ABCA13: variants seen among roughly 807,000 people sequenced by gnomAD.
ABCA13 encodes ATP-binding cassette sub-family A member 13.
In ABCA13, 476 loss-of-function variants were observed where a neutral mutation model predicts 478.7. That is an observed-to-expected ratio of 0.99 (90% CI 0.92 to 1.07). The LOEUF (loss-of-function observed/expected upper bound fraction) is 1.07. Among genes scored for constraint, ABCA13 ranks in the 50% least tolerant of loss-of-function variants. The probability of loss-of-function intolerance (pLI) is 0.00; values close to 1 mark genes in which losing one functional copy is unlikely to be tolerated. For synonymous variants in ABCA13, 2,252 were observed against 2,158.9 expected (o/e 1.04, Z -1.20); for missense variants, 6,060 against 5,910.6 (o/e 1.03, Z -0.83).
At chr7:48,574,790 A>T (rs12671073) in intron 55 of ABCA13, among the ~76,000 whole-genome samples, 20,124 of 152,076 alleles carry the variant, frequency 0.13, 1,642 homozygotes, top group African/African-American at 0.2. Flanking sequence ...CAAACAAAAC[A>T]CATGTCTCCT....
intron 55 of ABCA13, among the ~76,000 whole-genome samples, chr7:48,577,661 T>A (rs1411694760): frequency 6.6e-6 from 1 of 152,118 alleles, no homozygotes; most frequent in Non-Finnish European, 1.5e-5. Context: ...AAGAAAGAAA[T>A]GATATCAATT....
intron 17 of ABCA13, among the ~76,000 whole-genome samples, chr7:48,277,864 GA>G (rs1796504135): frequency 6.6e-6 from 1 of 152,076 alleles, no homozygotes; most frequent in African/African-American, 2.4e-5. Flanking sequence ...TAGGTTTAAA[GA>G]ACTGTAACAG....
At chr7:48,635,514 A>G (rs1425529419) in intron 59 of ABCA13, among the ~76,000 whole-genome samples, 2 of 152,144 alleles carry the variant, frequency 1.3e-5, no homozygotes, top group African/African-American at 4.8e-5. Context: ...GGACCCCAAT[A>G]TTCTCGGCAA....
intron 20 of ABCA13, among the ~76,000 whole-genome samples, chr7:48,290,939 GGAAAAAAAAAAAA>G (rs1391204280): frequency 2.5e-5 from 2 of 79,612 alleles, no homozygotes; most frequent in Admixed American, 1.5e-4. Context: ...TCACACTCAG[GGAAAAAAAAAAAA>G]AAAAAAAAAA....
intron 20 of ABCA13, among the ~76,000 whole-genome samples, chr7:48,292,928 G>A (rs560252034): frequency 6.6e-6 from 1 of 152,246 alleles, no homozygotes; most frequent in South Asian, 2.1e-4. Flanking sequence ...TGCTCCATAA[G>A]TATTTTTTGA....
At chr7:48,447,480 T>C (rs1476109554) in intron 42 of ABCA13, among the ~76,000 whole-genome samples, 1 of 152,228 alleles carries the variant, frequency 6.6e-6, no homozygotes, top group Non-Finnish European at 1.5e-5. Flanking sequence ...CTTTGTTAAC[T>C]ACTTTAACTT....
intron 35 of ABCA13, among the ~76,000 whole-genome samples, chr7:48,385,523 G>A (rs578012353): frequency 6.6e-6 from 1 of 152,156 alleles, no homozygotes; most frequent in Non-Finnish European, 1.5e-5. Flanking sequence ...GTAGTCCATG[G>A]TGTATATGTA....
intron 10 of ABCA13, chr7:48,243,145 C>T (rs1208332961): frequency 6.6e-6 from 1 of 152,242 alleles, no homozygotes; most frequent in African/African-American, 2.4e-5. Flanking sequence ...CAATGTCGCA[C>T]GTTGTTGTGA....
At chr7:48,294,278 A>G (rs1371106765) in intron 20 of ABCA13, among the ~76,000 whole-genome samples, 1 of 152,106 alleles carries the variant, frequency 6.6e-6, no homozygotes, top group Non-Finnish European at 1.5e-5. Context: ...ATGTAATACA[A>G]TATTGGCAAC....
chr7:48,239,154 T>C, intron 8 of ABCA13, 87 bp from the exon 9 acceptor site: 2 of 1,404,110 alleles, frequency 1.4e-6, no homozygotes, highest in African/African-American at 1.4e-5. Context: ...GAACTTTTAC[T>C]GTGGCAAGAT....
chr7:48,526,351 C>T (rs1380416581), intron 54 of ABCA13, among the ~76,000 whole-genome samples: 1 of 152,094 alleles, frequency 6.6e-6, no homozygotes, highest in East Asian at 1.9e-4. Flanking sequence ...AAAACATTGA[C>T]AGAATGATGC....
intron 41 of ABCA13, among the ~76,000 whole-genome samples, chr7:48,423,874 C>CT (rs1211883238): frequency 4.6e-5 from 7 of 151,994 alleles, no homozygotes; most frequent in African/African-American, 1.7e-4. Flanking sequence ...CTTGATTGTC[C>CT]TTTGACTTGA....
At chr7:48,206,609 A>G (rs1189946041) in intron 3 of ABCA13, among the ~76,000 whole-genome samples, 2 of 144,596 alleles carry the variant, frequency 1.4e-5, no homozygotes, top group African/African-American at 5.0e-5. Context: ...TAATTTTTAA[A>G]AAAAATTTTG....
intron 48 of ABCA13, among the ~76,000 whole-genome samples, chr7:48,506,104 AACAATTCATGCTGGT>A (rs1831182198): frequency 6.6e-6 from 1 of 152,234 alleles, no homozygotes; most frequent in Non-Finnish European, 1.5e-5. Flanking sequence ...GTAAAGCATG[AACAATTCATGCTGGT>A]TATGTTTGAC....
chr7:48,478,802 G>A (rs575838328), intron 45 of ABCA13, among the ~76,000 whole-genome samples: 5 of 152,206 alleles, frequency 3.3e-5, no homozygotes, highest in African/African-American at 1.2e-4. Context: ...GGGAGAGATG[G>A]TGGGTAGGAG....
chr7:48,346,403 G>A (rs1400980035), intron 29 of ABCA13, among the ~76,000 whole-genome samples: 1 of 151,688 alleles, frequency 6.6e-6, no homozygotes, highest in African/African-American at 2.4e-5. Context: ...CAAGCTTATA[G>A]TGCAGCCTAT....
intron 29 of ABCA13, among the ~76,000 whole-genome samples, chr7:48,342,079 T>TC (rs1306679210): frequency 1.3e-5 from 2 of 151,912 alleles, no homozygotes; most frequent in East Asian, 3.9e-4. Context: ...CCTTTTTTTT[T>TC]CACCTTTAGG....
intron 55 of ABCA13, 45 bp downstream of exon 55, chr7:48,528,390 A>G (rs548288144): frequency 1.5e-6 from 2 of 1,319,632 alleles, no homozygotes; most frequent in South Asian, 1.8e-5. Context: ...AGAGATAATA[A>G]GCCCAGAGAA....
intron 59 of ABCA13, among the ~76,000 whole-genome samples, chr7:48,632,773 T>G (rs1385578608): frequency 2.0e-5 from 3 of 152,160 alleles, no homozygotes; most frequent in Non-Finnish European, 2.9e-5. Flanking sequence ...TATTCAGACA[T>G]TTGGTGTATG....
Sources: gnomAD v4.1 joint callset for allele counts (sites outside exome capture counted in the v4.1 genomes callset) on GRCh38, gnomAD v4.1.1 for gene constraint, MANE v1.5 for transcripts, NCBI Gene and HGNC (gene_info 2026-07-23, HGNC 2026-07-21) for gene names.